The following TRPC4AP variants were observed in gnomAD, a reference collection of about 807,000 sequenced individuals.
TRPC4AP encodes the protein short transient receptor potential channel 4-associated protein.
In TRPC4AP, 45 loss-of-function variants were observed where a neutral mutation model predicts 99.0. The ratio of observed to expected loss-of-function variants is 0.45; its 90% CI spans 0.36 to 0.58. The LOEUF (loss-of-function observed/expected upper bound fraction) is 0.58. Ranked by LOEUF, TRPC4AP falls within the 20% of genes least tolerant of loss-of-function variation. TRPC4AP has a pLI of 0.00. For missense variants in TRPC4AP, 879 were observed against 985.3 expected (o/e 0.89, Z 1.44); for synonymous variants, 408 against 385.8 (o/e 1.06, Z -0.67).
At chr20:35,040,603 AT>A (rs2083426103) in intron 7 of TRPC4AP, among the ~76,000 whole-genome samples, 1 of 151,978 alleles carries the variant, frequency 6.6e-6, no homozygotes. Flanking sequence ...CTTATCTTTT[AT>A]TTTATTTATT....
chr20:35,004,447 G>T lies in TRPC4AP; in HGVS notation c.2049+11C>A, dbSNP rs1341835672. ...GACCTTCCCTGCTGTGTGTCTGCCG[G>T]GGCCTCTCACCTGGGTCAGCGTCTG... On this transcript the variant is annotated intron_variant, in intron 17 of 18. Transcript: ENST00000252015. The T allele has an allele frequency of 6.2e-7, 1 of 1,609,602 alleles. No individual in the cohort carries two copies. The highest frequency in any genetic ancestry group is 1.7e-5 in the Admixed American group (1 of 59,612).
intron 1 of TRPC4AP, among the ~76,000 whole-genome samples, chr20:35,090,180 T>TTA (rs544162394): frequency 6.4e-5 from 9 of 140,862 alleles, no homozygotes; most frequent in South Asian, 2.2e-4. Flanking sequence ...TGGAATAAAT[T>TTA]AAAAAAAAAA....
intron 5 of TRPC4AP, among the ~76,000 whole-genome samples, chr20:35,050,786 G>A (rs951615393): frequency 1.3e-4 from 19 of 151,770 alleles, no homozygotes; most frequent in Non-Finnish European, 2.1e-4. Context: ...AGGAAGTTAA[G>A]GAAACTAGCT....
At chr20:35,024,854 A>AAAAAAAAACAAAAAACAT (rs1479270980) in intron 8 of TRPC4AP, among the ~76,000 whole-genome samples, 3 of 89,480 alleles carry the variant, frequency 3.4e-5, no homozygotes, top group Non-Finnish European at 6.9e-5. Context: ...AAAAAAAAAA[A>AAAAAAAAACAAAAAACAT]ATTCTGTTTA....
intron 10 of TRPC4AP, 59 bp from the exon 11 acceptor site, chr20:35,013,125 C>A (rs537982840): frequency 1.3e-6 from 2 of 1,528,412 alleles, no homozygotes; most frequent in Non-Finnish European, 1.8e-6. Context: ...CAAAATAACA[C>A]AAGCAGACAC....
chr20:35,024,069 G>A (rs1024845715), intron 8 of TRPC4AP, among the ~76,000 whole-genome samples: 3 of 151,640 alleles, frequency 2.0e-5, no homozygotes, highest in Non-Finnish European at 2.9e-5. Context: ...CTACCACACC[G>A]ATTGGAGCGG....
chr20:35,080,549 A>AC (rs1555917039), intron 1 of TRPC4AP, among the ~76,000 whole-genome samples: 5,176 of 150,458 alleles, frequency 0.034, 333 homozygotes, highest in African/African-American at 0.12. Flanking sequence ...AAAAAAAAAA[A>AC]AAAAAAACCT....
At chr20:35,081,623 G>T (rs2146025967) in intron 1 of TRPC4AP, among the ~76,000 whole-genome samples, 1 of 152,184 alleles carries the variant, frequency 6.6e-6, no homozygotes, top group African/African-American at 2.4e-5. Flanking sequence ...AAAAGAATGG[G>T]AAATAATACT....
Position 35,092,730 on chromosome 20 carries a change from A to T in TRPC4AP, c.52T>A (p.Ser18Thr), listed in dbSNP as rs2085111425. 4 of 1,560,802 alleles carry T rather than the reference A, an allele frequency of 2.6e-6. No individual in the cohort carries two copies. The highest frequency in any genetic ancestry group is 3.4e-6 in the Non-Finnish European group (4 of 1,164,792). ...CCCCAAGCCGCCACTGTGGCTGCCG[A>T]CCGTCTCCCTCGGCCGGCTCCAGAC... Reference protein sequence around the residue: ...AGSGAGRGRRSAATVAAWGGW... With the variant: ...AGSGAGRGRRTAATVAAWGGW... Residue 18 changes from serine (S) to threonine (T), a missense_variant, in exon 1 of 19, where the codon TCG (serine) becomes ACG (threonine). By Grantham distance (58) the Ser-to-Thr change is moderately conservative. This residue lies in a region of TRPC4AP where 603 missense variants were observed against 631.8 expected (regional missense o/e 0.95). Transcript: ENST00000252015.
In TRPC4AP at chr20:35,008,741, C is replaced by G; in HGVS notation, c.1518G>C (p.Leu506Phe). Residue 506 changes from leucine to phenylalanine, a missense_variant, in exon 13 of 19, where the codon TTG (leucine) becomes TTC (phenylalanine). Leu to Phe is a conservative substitution (Grantham distance 22). Around this residue, in one of 3 missense-constraint regions of TRPC4AP, gnomAD observed 603 missense variants for 631.8 expected, o/e 0.95. Coordinates refer to ENST00000252015, the MANE Select transcript of TRPC4AP (RefSeq NM_015638.3). ...ATAAGCCCCTCTTCCCATCACACAC[C>G]AAACTCCTGAAATAGAAGAGAGATA... ...VEAVLNTDRSLVCDGKRGLLT... is the reference protein window; with the variant it reads ...VEAVLNTDRSFVCDGKRGLLT... 1 of 1,613,724 alleles carries G rather than the reference C, an allele frequency of 6.2e-7. No individual in the cohort carries two copies. The highest frequency in any genetic ancestry group is 2.2e-5 in the East Asian group (1 of 44,858).
intron 3 of TRPC4AP, among the ~76,000 whole-genome samples, chr20:35,060,117 AAACTCTT>A (rs979399675): frequency 6.6e-6 from 1 of 152,232 alleles, no homozygotes; most frequent in African/African-American, 2.4e-5. Flanking sequence ...AATTCTTCAC[AAACTCTT>A]CCAAAAAACA....
Position 35,005,757 on chromosome 20 carries a change from T to C in TRPC4AP, c.1874A>G (p.Asn625Ser). 1 of 1,614,208 alleles carries C rather than the reference T, an allele frequency of 6.2e-7. No homozygotes were observed. Residue 625 changes from asparagine (N) to serine (S), a missense_variant, in exon 16 of 19, where the codon AAC becomes AGC. Asn to Ser is a conservative substitution (Grantham distance 46). This residue lies in a region of TRPC4AP where 224 missense variants were observed against 264.7 expected (regional missense o/e 0.85). Coordinates refer to ENST00000252015, the MANE Select transcript of TRPC4AP (RefSeq NM_015638.3). ...CAGAGTGACACAGCGCACCAGCATGTTGGAGTCCACCAGGGAGCTGTTGAT... is the reference window on the plus strand; with the variant it reads ...CAGAGTGACACAGCGCACCAGCATGCTGGAGTCCACCAGGGAGCTGTTGAT... Reference protein sequence around the residue: ...KQINSSLVDSNMLVRCVTLSL... With the variant: ...KQINSSLVDSSMLVRCVTLSL...
chr20:35,031,961 A>T (rs531226897), intron 8 of TRPC4AP, among the ~76,000 whole-genome samples: 36 of 152,244 alleles, frequency 2.4e-4, no homozygotes, highest in African/African-American at 8.4e-4. Flanking sequence ...GCACCATCTC[A>T]GCACACTGCA....
intron 17 of TRPC4AP, among the ~76,000 whole-genome samples, chr20:35,004,222 G>A (rs907088015): frequency 6.6e-6 from 1 of 152,218 alleles, no homozygotes; most frequent in African/African-American, 2.4e-5. Context: ...CATGGGGGAG[G>A]CGGGGAGAGC....
At chr20:35,024,854 A>AAAAAAAAAACAAAAAACAT (rs1479270980) in intron 8 of TRPC4AP, among the ~76,000 whole-genome samples, 2 of 89,480 alleles carry the variant, frequency 2.2e-5, no homozygotes, top group Non-Finnish European at 4.6e-5. Context: ...AAAAAAAAAA[A>AAAAAAAAAACAAAAAACAT]ATTCTGTTTA....
intron 2 of TRPC4AP, 61 bp from the exon 3 acceptor site, chr20:35,069,473 A>G: frequency 9.2e-7 from 1 of 1,081,496 alleles, no homozygotes; most frequent in Non-Finnish European, 1.4e-6. Flanking sequence ...CCAGACACTA[A>G]AGCATCAGTT....
chr20:35,070,512 G>A (rs1169299621), intron 2 of TRPC4AP, among the ~76,000 whole-genome samples: 2 of 151,666 alleles, frequency 1.3e-5, no homozygotes, highest in East Asian at 1.9e-4. Flanking sequence ...CCGGGTTCAC[G>A]CCATTCTCCT....
chr20:35,024,797 T>C (rs1179932216), intron 8 of TRPC4AP, among the ~76,000 whole-genome samples: 3 of 124,576 alleles, frequency 2.4e-5, no homozygotes, highest in African/African-American at 9.5e-5. Flanking sequence ...CACTGCACTG[T>C]AGCCTAGGTG....
chr20:35,043,835 A>C (rs1157428151), intron 7 of TRPC4AP, among the ~76,000 whole-genome samples: 5 of 152,246 alleles, frequency 3.3e-5, no homozygotes, highest in Non-Finnish European at 7.3e-5. Flanking sequence ...CGGATAACTG[A>C]AACCACAGAA....
Sources: allele counts gnomAD v4.1 joint callset (sites outside exome capture counted in the v4.1 genomes callset), GRCh38; gene constraint gnomAD v4.1.1; regional missense constraint gnomAD v4.1.1; transcripts MANE v1.5; gene names NCBI Gene and HGNC (gene_info 2026-07-23, HGNC 2026-07-21).